The following TAOK1 variants were observed in gnomAD, a reference collection of about 807,000 sequenced individuals.
The protein encoded by TAOK1 is serine/threonine-protein kinase TAO1.
Under a neutral mutation model 138.3 loss-of-function variants are expected in TAOK1, and 21 were observed. That is an observed-to-expected ratio of 0.15 (90% confidence interval 0.11 to 0.22). The LOEUF is 0.22. Among genes scored for constraint, TAOK1 ranks in the 10% least tolerant of loss-of-function variants. The probability of loss-of-function intolerance (pLI) is 1.00; values close to 1 mark genes in which losing one functional copy is unlikely to be tolerated. For missense variants in TAOK1, 651 were observed against 1,227.7 expected (o/e 0.53, Z 7.02); for synonymous variants, 361 against 398.4 (o/e 0.91, Z 1.12).
chr17:29,395,646 C>CT (rs10591199), intron 1 of TAOK1, among the ~76,000 whole-genome samples: 1,835 of 129,606 alleles, frequency 0.014, 27 homozygotes, highest in African/African-American at 0.03. Flanking sequence ...GGTATGTGTA[C>CT]TTTTTTTTTT....
chr17:29,504,260 G>A (rs1567737505), intron 13 of TAOK1, among the ~76,000 whole-genome samples: 1 of 119,330 alleles, frequency 8.4e-6, no homozygotes, highest in Non-Finnish European at 1.6e-5. Context: ...CTGGGTGACA[G>A]TGCCAGACCC....
intron 12 of TAOK1, among the ~76,000 whole-genome samples, chr17:29,501,715 C>T (rs1211014059): frequency 6.6e-6 from 1 of 151,662 alleles, no homozygotes; most frequent in African/African-American, 2.4e-5. Context: ...TAAAGCTTTT[C>T]AATTTTGCAT....
At chr17:29,475,798 A>T (rs78807458) in intron 4 of TAOK1, 27 bp downstream of exon 4, 1 of 1,558,290 alleles carries the variant, frequency 6.4e-7, no homozygotes, top group African/African-American at 1.4e-5. Context: ...CCCTTGTTGC[A>T]GTTTTAGCTG....
chr17:29,522,196 T>G, intron 16 of TAOK1, 84 bp from the exon 17 acceptor site: 1 of 1,512,986 alleles, frequency 6.6e-7, no homozygotes, highest in Non-Finnish European at 8.9e-7. Context: ...TTACATCTGT[T>G]TACTGGTTAT....
chr17:29,539,389 C>T (rs1387800178), intron 19 of TAOK1, among the ~76,000 whole-genome samples: 1 of 152,118 alleles, frequency 6.6e-6, no homozygotes, highest in Non-Finnish European at 1.5e-5. Context: ...ACCAAAAATA[C>T]AAAAAATTAG....
At chr17:29,517,845 C>G (rs2031844934) in intron 16 of TAOK1, among the ~76,000 whole-genome samples, 189 bp downstream of exon 16, 1 of 152,070 alleles carries the variant, frequency 6.6e-6, no homozygotes, top group Non-Finnish European at 1.5e-5. Flanking sequence ...TCCTCAAAAT[C>G]TCTTTCTTAA....
chr17:29,487,892 C>A (rs905464887), intron 8 of TAOK1, among the ~76,000 whole-genome samples: 1 of 152,164 alleles, frequency 6.6e-6, no homozygotes, highest in African/African-American at 2.4e-5. Context: ...AGAAGACTGG[C>A]AGACATGGGC....
chr17:29,498,079 G>C (rs960282048), intron 11 of TAOK1, among the ~76,000 whole-genome samples: 1 of 152,144 alleles, frequency 6.6e-6, no homozygotes, highest in Non-Finnish European at 1.5e-5. Flanking sequence ...CTGATCAGCT[G>C]ACTTTGTTTT....
chr17:29,485,402 C>T (rs2153027151), intron 8 of TAOK1, among the ~76,000 whole-genome samples: 1 of 152,198 alleles, frequency 6.6e-6, no homozygotes, highest in Non-Finnish European at 1.5e-5. Flanking sequence ...TTTGGGAGGC[C>T]AAGGCGGAAG....
intron 1 of TAOK1, among the ~76,000 whole-genome samples, chr17:29,434,462 A>G (rs1470798492): frequency 6.6e-6 from 1 of 152,252 alleles, no homozygotes; most frequent in East Asian, 1.9e-4. Flanking sequence ...TTTTCCTAGC[A>G]TATACTCAGG....
At chr17:29,476,400 A>C (rs1452586547) in intron 4 of TAOK1, among the ~76,000 whole-genome samples, 1 of 152,140 alleles carries the variant, frequency 6.6e-6, no homozygotes, top group East Asian at 1.9e-4. Flanking sequence ...GGTGACTTGT[A>C]AAATTGAGGC....
intron 1 of TAOK1, among the ~76,000 whole-genome samples, chr17:29,400,406 A>AC (rs1391235712): frequency 4.6e-5 from 7 of 151,708 alleles, no homozygotes; most frequent in African/African-American, 9.7e-5. Flanking sequence ...AAAAAAAAAA[A>AC]AACAACAAAT....
chr17:29,532,532 GGAGTGGTGATGACTCTTAAC>G (rs2032137487), intron 18 of TAOK1, among the ~76,000 whole-genome samples: 1 of 151,934 alleles, frequency 6.6e-6, no homozygotes. Context: ...TTGAGATTAG[GGAGTGGTGATGACTCTTAAC>G]GAGCATGCTG....
intron 1 of TAOK1, among the ~76,000 whole-genome samples, chr17:29,414,835 A>G (rs983147707): frequency 6.6e-6 from 1 of 152,236 alleles, no homozygotes; most frequent in African/African-American, 2.4e-5. Flanking sequence ...CTAGGATTAC[A>G]GGCGTGAGCC....
At chr17:29,430,835 G>A (rs1905804679) in intron 1 of TAOK1, among the ~76,000 whole-genome samples, 1 of 152,044 alleles carries the variant, frequency 6.6e-6, no homozygotes, top group Admixed American at 6.6e-5. Context: ...GGAGATCACG[G>A]AACTCTCACC....
chr17:29,498,196 C>T lies in TAOK1; in HGVS notation c.1000-122C>T, dbSNP rs2031449716. The T allele has an allele frequency of 8.4e-6, 8 of 954,330 alleles. No homozygotes were observed. In the Admixed American group the frequency reaches 2.0e-4, roughly 24 times the overall value. The allele number at this position is 954,330 out of a possible 1,614,324, so 59.1% of individuals were successfully genotyped here. A position where few individuals can be genotyped will look rare whatever the true frequency, so the allele number is the denominator to read the frequency against. On this transcript the variant is annotated intron_variant, in intron 11 of 19. Transcript: ENST00000261716. ...GTCTTGGAAAATAAAAGCAATTTCTCATGATAGACCAACTTTCTGAGACTG... is the reference window on the plus strand; with the variant it reads ...GTCTTGGAAAATAAAAGCAATTTCTTATGATAGACCAACTTTCTGAGACTG...
At chr17:29,465,340 C>T (rs1431545544) in intron 2 of TAOK1, among the ~76,000 whole-genome samples, 2 of 150,912 alleles carry the variant, frequency 1.3e-5, no homozygotes, top group African/African-American at 2.4e-5. Context: ...TTAGTAGAGA[C>T]GGGGTTTCAC....
Position 29,517,586 on chromosome 17 carries a change from T to G in TAOK1, c.1838T>G (p.Leu613Arg). The change falls in exon 16 of 20, where the codon CTG becomes CGG. Residue 613 changes from leucine to arginine, a missense_variant. Transcript: ENST00000261716. ...CGACGTCAAAGACAATACCTAGAGC[T>G]GGAATGCCGTCGCTTCAAGAGAAGA... The part of the protein sequence containing the change: ...LLRRQRQYLE[L>R]ECRRFKRRML... 1 of 1,613,854 alleles carries G rather than the reference T, an allele frequency of 6.2e-7. No individual in the cohort carries two copies. The highest frequency in any genetic ancestry group is 8.5e-7 in the Non-Finnish European group (1 of 1,180,006).
At chr17:29,499,520 C>T (rs1485942310) in intron 12 of TAOK1, among the ~76,000 whole-genome samples, 10 of 151,196 alleles carry the variant, frequency 6.6e-5, no homozygotes, top group Admixed American at 3.3e-4. Context: ...GTGTGAGCCA[C>T]TGCGCCAAGA....
Sources: gnomAD v4.1 joint callset for allele counts (sites outside exome capture counted in the v4.1 genomes callset) on GRCh38, gnomAD v4.1.1 for gene constraint, MANE v1.5 for transcripts, NCBI Gene and HGNC (gene_info 2026-07-23, HGNC 2026-07-21) for gene names.